The following GLP2R variants were observed in gnomAD, a reference collection of about 807,000 sequenced individuals.
The protein encoded by GLP2R is glucagon-like peptide 2 receptor.
A neutral mutation model predicts 68.2 loss-of-function variants in GLP2R; 59 were observed. The ratio of observed to expected loss-of-function variants is 0.87; its 90% CI spans 0.70 to 1.07. GLP2R has a LOEUF of 1.07. GLP2R is among the 50% of genes least tolerant of loss of function. The pLI, the probability that GLP2R is intolerant of heterozygous loss-of-function variation, is 0.00. For missense variants in GLP2R, 548 were observed against 677.4 expected (o/e 0.81, Z 2.12); for synonymous variants, 270 against 265.4 (o/e 1.02, Z -0.17).
At chr17:9,868,260 G>A (rs1324745046) in intron 9 of GLP2R, among the ~76,000 whole-genome samples, 1 of 152,058 alleles carries the variant, frequency 6.6e-6, no homozygotes, top group Non-Finnish European at 1.5e-5. Flanking sequence ...TACAGGATTA[G>A]CATTTTAGTC....
chr17:9,856,405 C>T (rs549264531), intron 5 of GLP2R, among the ~76,000 whole-genome samples: 1 of 152,276 alleles, frequency 6.6e-6, no homozygotes, highest in East Asian at 1.9e-4. Context: ...AAGAACCTGC[C>T]TCAGGTCCTT....
intron 4 of GLP2R, among the ~76,000 whole-genome samples, chr17:9,848,676 C>T (rs973163444): frequency 6.6e-6 from 1 of 152,026 alleles, no homozygotes; most frequent in African/African-American, 2.4e-5. Flanking sequence ...AATTCAAATA[C>T]TTAACAAAAA....
At chr17:9,858,484 G>T (rs776687118) in intron 6 of GLP2R, among the ~76,000 whole-genome samples, 1 of 152,192 alleles carries the variant, frequency 6.6e-6, no homozygotes, top group Non-Finnish European at 1.5e-5. Flanking sequence ...TCAAATTTGT[G>T]CTAGCCTCGT....
chr17:9,876,889 T>C (rs2067146328), intron 10 of GLP2R, among the ~76,000 whole-genome samples: 1 of 152,208 alleles, frequency 6.6e-6, no homozygotes, highest in Non-Finnish European at 1.5e-5. Flanking sequence ...AATGTATTGA[T>C]CATTTATCGT....
In GLP2R at chr17:9,856,926, A is replaced by AT. The variant is rs991891157; in HGVS notation, c.612-485dup. 4.6e-3 allele frequency among the ~76,000 whole-genome samples: 670 copies of AT among 146,410 alleles called. 2 individuals carry two copies. Among genetic ancestry groups the AT allele is most frequent in the African/African-American group, 0.013 (524 of 40,138 alleles). ...TGAAGATGTTTTGTAGGTGATAGCTATTTTTTTTTTTTCTGAGGTGAAGTC... is the reference window on the plus strand; with the variant it reads ...TGAAGATGTTTTGTAGGTGATAGCTATTTTTTTTTTTTTCTGAGGTGAAGTC... On this transcript the variant is annotated intron_variant, in intron 5 of 12. Transcript: ENST00000262441.
chr17:9,832,042 G>A (rs2066684629), intron 1 of GLP2R, among the ~76,000 whole-genome samples: 1 of 152,128 alleles, frequency 6.6e-6, no homozygotes, highest in Admixed American at 6.6e-5. Context: ...TAGGGTAGGG[G>A]CTGTGTCTCG....
chr17:9,841,247 C>T lies in GLP2R; in HGVS notation c.383-1248C>T, dbSNP rs4791885. ...TTCACCATGTTGGCCAGGCTGGTCT[C>T]GAACTCCTGACCTCAGGTGATCCAC... is the stretch of plus-strand genomic sequence containing the variant. On this transcript the variant is annotated intron_variant, in intron 3 of 12. Transcript: ENST00000262441. Among the ~76,000 whole-genome samples the T allele has an allele frequency of 2.7e-3, 410 of 150,482 alleles. 3 individuals carry two copies. Among genetic ancestry groups the T allele is most frequent in the African/African-American group, 9.4e-3 (383 of 40,864 alleles).
At chr17:9,830,915 C>T (rs1303518867) in intron 1 of GLP2R, among the ~76,000 whole-genome samples, 1 of 152,240 alleles carries the variant, frequency 6.6e-6, no homozygotes, top group African/African-American at 2.4e-5. Context: ...GTGCAATGGA[C>T]AGCAGGCACT....
chr17:9,861,441 G>A (rs1236942848), intron 8 of GLP2R, among the ~76,000 whole-genome samples: 2 of 152,078 alleles, frequency 1.3e-5, no homozygotes, highest in Non-Finnish European at 2.9e-5. Context: ...CCCTGGGTAC[G>A]TAAGGACAAA....
At chr17:9,827,368 G>A (rs1219362717) in intron 1 of GLP2R, among the ~76,000 whole-genome samples, 1 of 152,126 alleles carries the variant, frequency 6.6e-6, no homozygotes, top group African/African-American at 2.4e-5. Context: ...ATAGACTGAG[G>A]TTCTCTTGTT....
chr17:9,847,415 G>A (rs1471710715), intron 4 of GLP2R, among the ~76,000 whole-genome samples: 1 of 151,980 alleles, frequency 6.6e-6, no homozygotes, highest in Non-Finnish European at 1.5e-5. Flanking sequence ...GACTACAGGG[G>A]CACGCTGCCA....
At chr17:9,864,306 T>A (rs986458012) in intron 9 of GLP2R, among the ~76,000 whole-genome samples, 1 of 152,110 alleles carries the variant, frequency 6.6e-6, no homozygotes, top group African/African-American at 2.4e-5. Context: ...TGAATCCGAG[T>A]CTGCATTGGA....
At chr17:9,854,156 G>A (rs368642477) in intron 4 of GLP2R, among the ~76,000 whole-genome samples, 16 of 152,260 alleles carry the variant, frequency 1.1e-4, no homozygotes, top group African/African-American at 3.9e-4. Flanking sequence ...GCTCCCAAGG[G>A]CAAAGAGCCT....
intron 10 of GLP2R, among the ~76,000 whole-genome samples, chr17:9,871,691 CT>C (rs1376559102): frequency 6.6e-6 from 1 of 150,380 alleles, no homozygotes; most frequent in African/African-American, 2.4e-5. Flanking sequence ...GGTTTCCTCC[CT>C]CTTTTCCTAG....
Position 9,836,396 on chromosome 17 carries a change from T to C in GLP2R, c.303T>C (p.Asp101=), listed in dbSNP as rs115086821. 1 of 1,610,546 alleles carries C rather than the reference T, an allele frequency of 6.2e-7. No homozygotes were observed. The highest frequency in any genetic ancestry group is 8.5e-7 in the Non-Finnish European group (1 of 1,176,732). ...GCATATTTTGTAACGGGACATTTGATCAGTACGTGTGTTGGCCTCATTCTT... is the reference window on the plus strand; with the variant it reads ...GCATATTTTGTAACGGGACATTTGACCAGTACGTGTGTTGGCCTCATTCTT... The part of the protein sequence containing the change: ...PSGIFCNGTF[D]QYVCWPHSSP... Residue 101 remains aspartate (D), a synonymous_variant, in exon 3 of 13, where the codon GAT becomes GAC. Transcript: ENST00000262441.
chr17:9,829,589 T>C (rs1428553657), intron 1 of GLP2R, among the ~76,000 whole-genome samples: 1 of 152,236 alleles, frequency 6.6e-6, no homozygotes, highest in Non-Finnish European at 1.5e-5. Flanking sequence ...GTTAAAAGGA[T>C]GCTTTACTTC....
intron 4 of GLP2R, among the ~76,000 whole-genome samples, chr17:9,852,048 GTTTTTT>G (rs1005336123): frequency 9.1e-6 from 1 of 109,452 alleles, no homozygotes; most frequent in African/African-American, 4.7e-5. Flanking sequence ...TATAGCATTT[GTTTTTT>G]TTTTTGTTTT....
chr17:9,879,276 TA>T (rs1183827719), intron 10 of GLP2R, among the ~76,000 whole-genome samples: 1 of 21,148 alleles, frequency 4.7e-5, no homozygotes, highest in Non-Finnish European at 7.4e-5. Context: ...TAAAATAAAA[TA>T]AAATAAAATA....
chr17:9,861,993 T>C lies in GLP2R; in HGVS notation c.987-28T>C, dbSNP rs766265172. On this transcript the variant is annotated intron_variant, in intron 8 of 12. Transcript: ENST00000262441. ...AACCTCCTCTTGTTTTTAAGTCTTC[T>C]ACTGCCTGCTTCTACTGTTGACCTT... 6 of 1,535,392 alleles carry C rather than the reference T, an allele frequency of 3.9e-6. No individual in the cohort carries two copies. The South Asian group carries it at 5.6e-5, about 14-fold the overall frequency.
Sources: allele counts gnomAD v4.1 joint callset (sites outside exome capture counted in the v4.1 genomes callset), GRCh38; gene constraint gnomAD v4.1.1; transcripts MANE v1.5; gene names NCBI Gene and HGNC (gene_info 2026-07-23, HGNC 2026-07-21).